PES1: variants seen among roughly 807,000 people sequenced by gnomAD.
PES1 encodes the protein pescadillo ribosomal biogenesis factor 1, also known as pescadillo homolog.
Under a neutral mutation model 77.1 loss-of-function variants are expected in PES1, and 31 were observed. That is an observed-to-expected ratio of 0.40 (90% CI 0.30 to 0.54). The LOEUF (loss-of-function observed/expected upper bound fraction) is 0.54. PES1 is among the 20% of genes least tolerant of loss of function. The pLI is 0.45. For missense variants in PES1, 658 were observed against 771.7 expected (o/e 0.85, Z 1.75); for synonymous variants, 282 against 303.0 (o/e 0.93, Z 0.72).
exon 2 of PES1, chr22:30,605,510 C>T (rs977107188): frequency 2.0e-6 from 2 of 984,138 alleles, no homozygotes; most frequent in Non-Finnish European, 2.4e-6. Flanking sequence ...CTCCTCCAGG[C>T]TGCCTTCCTG....
chr22:30,580,126 A>G lies in PES1; in HGVS notation c.1096T>C (p.Tyr366His). The G allele has an allele frequency of 6.2e-7, 1 of 1,614,082 alleles. No individual in the cohort carries two copies. The highest frequency in any genetic ancestry group is 8.5e-7 in the Non-Finnish European group (1 of 1,179,998). The part of the protein sequence containing the change: ...WDKSLCIGAT[Y>H]DVTDSRITHQ... ...GTGATGCGGGAGTCTGTGACGTCAT[A>G]GGTGGCCCCAATGCACAAAGATTTG... Residue 366 changes from tyrosine (Y) to histidine (H), a missense_variant, in exon 11 of 15, where the codon TAT (tyrosine) becomes CAT (histidine). Tyr to His is a moderately conservative substitution (Grantham distance 83). Transcript: ENST00000354694.
upstream of PES1, chr22:30,592,504 T>G (rs1231491007): frequency 1.3e-6 from 1 of 784,734 alleles, no homozygotes; most frequent in Non-Finnish European, 1.5e-6. Context: ...ATATTTAAAA[T>G]GTACATTCAA....
Position 30,579,049 on chromosome 22 carries a change from A to G in PES1, c.1522-51T>C, listed in dbSNP as rs1225487535. The G allele has an allele frequency of 2.5e-6, 4 of 1,603,692 alleles. No individual in the cohort carries two copies. In the African/African-American group the frequency reaches 5.3e-5, roughly 21 times the overall value. On this transcript the variant is annotated intron_variant, in intron 13 of 14. Transcript: ENST00000354694. ...GGGGGCAGGTTCTCCCGACCTCCAC[A>G]GTCCTCTGGCTCCTGACCTTCTAGG...
chr22:30,577,021 C>T lies in PES1; in HGVS notation c.*25G>A, dbSNP rs778491070. On this transcript the variant is annotated 3_prime_UTR_variant, in exon 15 of 15. Transcript: ENST00000354694. ...ACATCCAGCTGCTAGGGGCTGGCCT[C>T]AGCCCTGTGAGGGGCCGCAGGCACT... 1 of 1,600,400 alleles carries T rather than the reference C, an allele frequency of 6.2e-7. No homozygotes were observed. The highest frequency in any genetic ancestry group is 1.3e-5 in the African/African-American group (1 of 74,788).
At chr22:30,584,791 C>A in intron 4 of PES1, 74 bp from the exon 5 acceptor site, 2 of 1,473,548 alleles carry the variant, frequency 1.4e-6, no homozygotes, top group African/African-American at 2.8e-5. Flanking sequence ...CTCCTTATCC[C>A]ACCCCAGATG....
chr22:30,597,018 CG>C (rs2087263804), intron 2 of PES1, among the ~76,000 whole-genome samples: 1 of 152,216 alleles, frequency 6.6e-6, no homozygotes, highest in Non-Finnish European at 1.5e-5. Flanking sequence ...CCAGCCGCTG[CG>C]GAGAGTGCGC....
At chr22:30,597,611 A>G (rs201321185) in intron 2 of PES1, among the ~76,000 whole-genome samples, 1 of 151,256 alleles carries the variant, frequency 6.6e-6, no homozygotes, top group African/African-American at 2.4e-5. Context: ...TGTCTAGCTC[A>G]GGGTTTGTAA....
chr22:30,591,885 C>T lies in PES1; in HGVS notation c.-52G>A. On this transcript the variant is annotated 5_prime_UTR_variant, in exon 1 of 15. Coordinates refer to ENST00000354694, the MANE Select transcript of PES1 (RefSeq NM_014303.4). ...GCCGCGCGTACAGGGAGCTCCACTTCCTCCCGCACGTGCCCTGCCAAGGAC... is the reference window on the plus strand; with the variant it reads ...GCCGCGCGTACAGGGAGCTCCACTTTCTCCCGCACGTGCCCTGCCAAGGAC... The T allele has an allele frequency of 6.5e-7, 1 of 1,532,850 alleles. No individual in the cohort carries two copies. The highest frequency in any genetic ancestry group is 8.8e-7 in the Non-Finnish European group (1 of 1,141,882). 95.0% of individuals were successfully genotyped at this position (1,532,850 alleles called of 1,614,324 possible).
chr22:30,606,608 T>G (rs2087448424), intron 1 of PES1: 1 of 153,246 alleles, frequency 6.5e-6, no homozygotes, highest in Non-Finnish European at 1.4e-5. Context: ...CCCAGCCCTT[T>G]CGGATTGGTT....
chr22:30,605,691 C>T (rs1005669898), intron 1 of PES1, among the ~76,000 whole-genome samples: 4 of 152,320 alleles, frequency 2.6e-5, no homozygotes, highest in South Asian at 4.1e-4. Context: ...CTCCCTCCTT[C>T]CTCAGAACCT....
chr22:30,599,954 A>C (rs952478099), intron 2 of PES1, among the ~76,000 whole-genome samples: 1 of 152,226 alleles, frequency 6.6e-6, no homozygotes, highest in African/African-American at 2.4e-5. Context: ...AAATGCTTAT[A>C]AATACAATTG....
chr22:30,587,222 G>A, intron 4 of PES1, 64 bp downstream of exon 4: 5 of 1,163,810 alleles, frequency 4.3e-6, no homozygotes, highest in Non-Finnish European at 6.5e-6. Flanking sequence ...TGTATCCCTG[G>A]TGCTAGGGCA....
At chr22:30,583,288 C>T (rs147814846) in intron 6 of PES1, among the ~76,000 whole-genome samples, 1 of 152,200 alleles carries the variant, frequency 6.6e-6, no homozygotes, top group Admixed American at 6.5e-5. Context: ...CAGGCCACAG[C>T]CTCACCACCA....
chr22:30,581,584 G>C lies in PES1; in HGVS notation c.691C>G (p.Leu231Val), dbSNP rs1216859271. The C allele has an allele frequency of 6.2e-7, 1 of 1,613,840 alleles. No individual in the cohort carries two copies. Among genetic ancestry groups the C allele is most frequent in the Non-Finnish European group, 8.5e-7 (1 of 1,179,970 alleles). The change falls in exon 7 of 15, where the codon CTG (leucine) becomes GTG (valine). Residue 231 changes from leucine to valine, a missense_variant. Leu to Val is a conservative substitution (Grantham distance 32). Coordinates refer to ENST00000354694, the MANE Select transcript of PES1 (RefSeq NM_014303.4). The stretch of plus-strand genomic sequence containing the variant: ...TAAAGGCGGAAGTTGACAAAGCCCA[G>C]CAGCGTGGTGTAGAACTCGGTGAAG... Reference protein sequence around the residue: ...ATFTEFYTTLLGFVNFRLYQL... With the variant: ...ATFTEFYTTLVGFVNFRLYQL...
At chr22:30,603,053 G>A (rs2087382110) in intron 2 of PES1, among the ~76,000 whole-genome samples, 1 of 151,982 alleles carries the variant, frequency 6.6e-6, no homozygotes, top group Non-Finnish European at 1.5e-5. Context: ...TGGGACTACA[G>A]GAGCCCACCA....
chr22:30,597,876 A>ATTTTTTTTTTTTTTTTTTTTTTTTTTTT (rs1210779167), intron 2 of PES1, among the ~76,000 whole-genome samples: 13 of 125,158 alleles, frequency 1.0e-4, no homozygotes, highest in African/African-American at 3.4e-4. Flanking sequence ...ACGCAGTTGA[A>ATTTTTTTTTTTTTTTTTTTTTTTTTTTT]GTTTTGTTTT....
chr22:30,600,194 TGTG>T (rs2087333599), intron 2 of PES1, among the ~76,000 whole-genome samples: 3 of 151,438 alleles, frequency 2.0e-5, no homozygotes, highest in Admixed American at 2.0e-4. Flanking sequence ...ATTAGCCAGG[TGTG>T]GTGGCACAAG....
At chr22:30,606,748 C>A (rs1386930455) in intron 1 of PES1, 2 of 695,082 alleles carry the variant, frequency 2.9e-6, no homozygotes, top group Non-Finnish European at 3.5e-6. Context: ...CCACAATCCC[C>A]TCCCGCCACA....
intron 2 of PES1, among the ~76,000 whole-genome samples, chr22:30,597,918 C>G (rs1034468837): frequency 7.9e-5 from 10 of 127,040 alleles, no homozygotes; most frequent in Admixed American, 7.6e-4. Flanking sequence ...GAGTCTCACT[C>G]TGTCGCCCAG....
Sources: allele counts gnomAD v4.1 joint callset (sites outside exome capture counted in the v4.1 genomes callset), GRCh38; gene constraint gnomAD v4.1.1; transcripts MANE v1.5; gene names NCBI Gene and HGNC (gene_info 2026-07-23, HGNC 2026-07-21).